PLCG2: variants seen among roughly 807,000 people sequenced by gnomAD.
The protein encoded by PLCG2 is phospholipase C gamma 2.
A neutral mutation model predicts 175.6 loss-of-function variants in PLCG2; 69 were observed. The ratio of observed to expected loss-of-function variants is 0.39; its 90% CI spans 0.32 to 0.48. PLCG2 has a LOEUF of 0.48. Among genes scored for constraint, PLCG2 ranks in the 20% least tolerant of loss-of-function variants. PLCG2 has a pLI of 0.91. For synonymous variants in PLCG2, 827 were observed against 624.0 expected (o/e 1.33, Z -4.85); for missense variants, 1,798 against 1,650.9 (o/e 1.09, Z -1.54).
intron 30 of PLCG2, among the ~76,000 whole-genome samples, chr16:81,945,339 C>A (rs1567545071): frequency 1.3e-5 from 2 of 152,250 alleles, no homozygotes; most frequent in Non-Finnish European, 2.9e-5. Flanking sequence ...ACTAGGACCA[C>A]AGAAACCATC....
intron 2 of PLCG2, among the ~76,000 whole-genome samples, chr16:81,772,612 C>A (rs561165758): frequency 1.3e-5 from 2 of 151,072 alleles, no homozygotes; most frequent in South Asian, 2.1e-4. Flanking sequence ...GAGTTCAAGA[C>A]CAGCCTGGCC....
chr16:81,844,403 C>T (rs73590840), intron 2 of PLCG2, among the ~76,000 whole-genome samples: 1,565 of 152,250 alleles, frequency 0.01, 32 homozygotes, highest in African/African-American at 0.035. Context: ...GCAACCTCTG[C>T]ACCCCCACAA....
At chr16:81,850,266 G>C (rs1342168931) in intron 2 of PLCG2, among the ~76,000 whole-genome samples, 2 of 152,160 alleles carry the variant, frequency 1.3e-5, no homozygotes, top group Non-Finnish European at 2.9e-5. Flanking sequence ...ATAAGAAAGT[G>C]TGCTCATTTT....
At chr16:81,774,267 T>C (rs1910349131) in intron 2 of PLCG2, among the ~76,000 whole-genome samples, 1 of 147,162 alleles carries the variant, frequency 6.8e-6, no homozygotes, top group African/African-American at 2.5e-5. Context: ...CAAGAATCAC[T>C]TGAGCCCAGG....
At chr16:81,764,465 A>T (rs981815267) in intron 2 of PLCG2, among the ~76,000 whole-genome samples, 1 of 152,130 alleles carries the variant, frequency 6.6e-6, no homozygotes, top group East Asian at 1.9e-4. Context: ...GGAAAGTGCA[A>T]TTGCCCACAG....
intron 1 of PLCG2, among the ~76,000 whole-genome samples, chr16:81,751,619 A>G (rs1437202794): frequency 6.6e-6 from 1 of 152,228 alleles, no homozygotes; most frequent in Non-Finnish European, 1.5e-5. Context: ...AGTAAATTCA[A>G]ACAGTCTCAT....
chr16:81,863,276 C>G (rs961095980), intron 5 of PLCG2, among the ~76,000 whole-genome samples: 1 of 152,324 alleles, frequency 6.6e-6, no homozygotes, highest in African/African-American at 2.4e-5. Context: ...CTCCAGGTAC[C>G]TCATATAAGT....
At chr16:81,824,382 C>T (rs1597339127) in intron 2 of PLCG2, among the ~76,000 whole-genome samples, 1 of 152,182 alleles carries the variant, frequency 6.6e-6, no homozygotes, top group East Asian at 1.9e-4. Context: ...AATCCACCCA[C>T]CTCAACCTCC....
intron 5 of PLCG2, among the ~76,000 whole-genome samples, chr16:81,862,244 C>T (rs1366336149): frequency 6.6e-6 from 1 of 152,250 alleles, no homozygotes; most frequent in Non-Finnish European, 1.5e-5. Flanking sequence ...GCTGGCCCAG[C>T]CCGGGCAATG....
At chr16:81,849,197 T>C (rs952199941) in intron 2 of PLCG2, among the ~76,000 whole-genome samples, 1 of 152,086 alleles carries the variant, frequency 6.6e-6, no homozygotes, top group African/African-American at 2.4e-5. Context: ...AGCCTGTTTG[T>C]ATTTCGTAAG....
intron 7 of PLCG2, among the ~76,000 whole-genome samples, chr16:81,874,084 T>C (rs539668435): frequency 7.2e-5 from 11 of 152,338 alleles, no homozygotes; most frequent in African/African-American, 2.4e-4. Context: ...GAATGCCACA[T>C]TGAGCCTGCC....
intron 31 of PLCG2, among the ~76,000 whole-genome samples, chr16:81,948,244 G>A (rs1310243513): frequency 7.4e-6 from 1 of 135,882 alleles, no homozygotes; most frequent in Non-Finnish European, 1.8e-5. Context: ...CTCCTAAGTT[G>A]TCGTATTATA....
intron 31 of PLCG2, among the ~76,000 whole-genome samples, chr16:81,955,586 G>A (rs888245263): frequency 2.0e-5 from 3 of 152,174 alleles, no homozygotes; most frequent in Non-Finnish European, 4.4e-5. Flanking sequence ...TCTTGTTTCA[G>A]TCATGGCTGA....
At chr16:81,786,499 C>G (rs1363511939) in intron 2 of PLCG2, among the ~76,000 whole-genome samples, 2 of 152,212 alleles carry the variant, frequency 1.3e-5, no homozygotes, top group African/African-American at 4.8e-5. Context: ...CTGGTTCCCA[C>G]AACTGGTCGA....
chr16:81,859,173 A>G lies in PLCG2; in HGVS notation c.479+10A>G, dbSNP rs772595067. ...AAACCAGAAGAAACAGGTAAGAGTC[A>G]TTCAGTTTTTTTCTGATCACTTTGG... On this transcript the variant is annotated intron_variant, in intron 5 of 32. Transcript: ENST00000564138. 12 of 1,575,092 alleles carry G rather than the reference A, an allele frequency of 7.6e-6. No homozygotes were observed. The highest frequency in any genetic ancestry group is 1.1e-5 in the South Asian group (1 of 90,232).
chr16:81,760,904 T>G (rs1910028882), intron 2 of PLCG2, among the ~76,000 whole-genome samples: 1 of 151,968 alleles, frequency 6.6e-6, no homozygotes, highest in South Asian at 2.1e-4. Context: ...TGGCTTAAAA[T>G]TTTTGTTTGT....
intron 2 of PLCG2, among the ~76,000 whole-genome samples, chr16:81,802,363 C>T (rs978303761): frequency 6.5e-4 from 98 of 151,868 alleles, no homozygotes; most frequent in African/African-American, 2.2e-3. Flanking sequence ...CCACCCGCCT[C>T]GGCCTCCCAA....
chr16:81,846,929 A>G (rs1007248207), intron 2 of PLCG2, among the ~76,000 whole-genome samples: 2 of 152,094 alleles, frequency 1.3e-5, no homozygotes, highest in African/African-American at 2.4e-5. Context: ...ACAATTCTCC[A>G]TTGGACACCA....
chr16:81,925,949 A>G (rs1219715416), intron 22 of PLCG2, among the ~76,000 whole-genome samples: 1 of 152,042 alleles, frequency 6.6e-6, no homozygotes, highest in East Asian at 1.9e-4. Context: ...GTATAATTAT[A>G]CGTTAAGTAT....
Sources: allele counts gnomAD v4.1 joint callset (sites outside exome capture counted in the v4.1 genomes callset), GRCh38; gene constraint gnomAD v4.1.1; transcripts MANE v1.5; gene names NCBI Gene and HGNC (gene_info 2026-07-23, HGNC 2026-07-21).